SHTN1: variants seen among roughly 807,000 people sequenced by gnomAD.
SHTN1 encodes shootin 1.
A neutral mutation model predicts 83.1 loss-of-function variants in SHTN1; 42 were observed. The observed-to-expected ratio is 0.51, with a 90% CI of 0.39 to 0.65. SHTN1 has a LOEUF of 0.65. Among genes scored for constraint, SHTN1 ranks in the 30% least tolerant of loss-of-function variants. SHTN1 has a pLI of 0.00. For synonymous variants in SHTN1, 224 were observed against 247.7 expected, an observed-to-expected ratio of 0.90 and a Z score of 0.90; for missense variants, 622 against 737.8, an observed-to-expected ratio of 0.84 and a Z score of 1.82.
intron 1 of SHTN1, among the ~76,000 whole-genome samples, chr10:117,001,348 G>C (rs1033626928): frequency 6.6e-6 from 1 of 152,108 alleles, no homozygotes; most frequent in African/African-American, 2.4e-5. Context: ...ATTCAGAAGT[G>C]GGTGTGATTT....
rs570947894 is a variant in SHTN1, at chr10:116,996,104, C to G, written c.58+8918G>C. Reference sequence around the variant, plus strand: ...TTAGGCCAAGTATAATAGACAAAAACTTATTTTACAAATAAACTGGTCTTA... The same window carrying G: ...TTAGGCCAAGTATAATAGACAAAAAGTTATTTTACAAATAAACTGGTCTTA... On this transcript the variant is annotated intron_variant, in intron 1 of 16. Transcript: ENST00000355371. 3.9e-5 allele frequency among the ~76,000 whole-genome samples: 6 copies of G among 152,252 alleles called. No homozygotes were observed. In the South Asian group the frequency reaches 1.2e-3, roughly 32 times the overall value.
At chr10:117,106,760 A>G (rs1048661159) in intron 1 of SHTN1, among the ~76,000 whole-genome samples, 1 of 152,170 alleles carries the variant, frequency 6.6e-6, no homozygotes, top group African/African-American at 2.4e-5. Context: ...CATGTTTCTT[A>G]TGCATTCTTG....
At chr10:116,981,247 A>C (rs1296143008) in intron 1 of SHTN1, among the ~76,000 whole-genome samples, 1 of 152,150 alleles carries the variant, frequency 6.6e-6, no homozygotes, top group African/African-American at 2.4e-5. Context: ...TGAACCCGGG[A>C]AGCAGAGGTT....
intron 1 of SHTN1, among the ~76,000 whole-genome samples, chr10:117,106,975 A>G (rs1853678989): frequency 1.3e-5 from 2 of 152,206 alleles, no homozygotes; most frequent in African/African-American, 4.8e-5. Flanking sequence ...GACACATGTA[A>G]AGTGCTTAAA....
At chr10:116,993,009 T>C (rs1851496451) in intron 1 of SHTN1, among the ~76,000 whole-genome samples, 1 of 46,896 alleles carries the variant, frequency 2.1e-5, no homozygotes, top group African/African-American at 5.0e-5. Flanking sequence ...CTTTTCTTTC[T>C]TTTTTTTCTT....
At chr10:117,117,022 C>T (rs906312776) in intron 1 of SHTN1, among the ~76,000 whole-genome samples, 2 of 152,082 alleles carry the variant, frequency 1.3e-5, no homozygotes, top group Non-Finnish European at 2.9e-5. Context: ...ACCTTCACCA[C>T]TTTTATTCAA....
chr10:116,971,650 C>T (rs958627131), intron 2 of SHTN1, among the ~76,000 whole-genome samples: 15 of 152,120 alleles, frequency 9.9e-5, no homozygotes, highest in Admixed American at 2.0e-4. Context: ...ACCTAGTTTC[C>T]GACTAGGCTC....
At chr10:117,084,254 CCTT>C (rs1853314526) in intron 1 of SHTN1, among the ~76,000 whole-genome samples, 1 of 151,922 alleles carries the variant, frequency 6.6e-6, no homozygotes, top group African/African-American at 2.4e-5. Context: ...TGTTAGTTTT[CCTT>C]CTAACAGACA....
intron 2 of SHTN1, among the ~76,000 whole-genome samples, chr10:116,975,176 T>C (rs956736849): frequency 9.9e-5 from 15 of 152,196 alleles, no homozygotes; most frequent in Non-Finnish European, 1.9e-4. Context: ...GTTTTTACAT[T>C]TGAAGGCAAC....
At chr10:117,046,226 G>A (rs940145834) in intron 2 of SHTN1, among the ~76,000 whole-genome samples, 1 of 151,862 alleles carries the variant, frequency 6.6e-6, no homozygotes, top group African/African-American at 2.4e-5. Context: ...TACTCAAACT[G>A]CAAAAAATAC....
chr10:117,074,023 G>A (rs1853121647), intron 1 of SHTN1, among the ~76,000 whole-genome samples: 1 of 152,168 alleles, frequency 6.6e-6, no homozygotes, highest in Non-Finnish European at 1.5e-5. Flanking sequence ...TAGGTGTAAT[G>A]GAATGGGGAG....
At chr10:116,987,915 A>C (rs961097657) in intron 1 of SHTN1, among the ~76,000 whole-genome samples, 3 of 152,028 alleles carry the variant, frequency 2.0e-5, no homozygotes, top group African/African-American at 7.2e-5. Flanking sequence ...CCGTCTCAAA[A>C]AAACAAACAA....
intron 2 of SHTN1, among the ~76,000 whole-genome samples, chr10:117,045,270 A>C (rs1852644991): frequency 6.6e-6 from 1 of 152,208 alleles, no homozygotes; most frequent in Non-Finnish European, 1.5e-5. Flanking sequence ...ATTCTGGAAA[A>C]TAAGCAAAAG....
chr10:117,004,745 C>G (rs540454573), intron 1 of SHTN1, among the ~76,000 whole-genome samples: 110 of 152,308 alleles, frequency 7.2e-4, no homozygotes, highest in Admixed American at 8.5e-4. Flanking sequence ...CGTCCCTTCC[C>G]CCAGCCCCCG....
At chr10:117,086,334 T>C (rs1465078483) in intron 1 of SHTN1, among the ~76,000 whole-genome samples, 1 of 152,240 alleles carries the variant, frequency 6.6e-6, no homozygotes, top group African/African-American at 2.4e-5. Context: ...TGTGACTTTA[T>C]AAAGTGGGTT....
intron 8 of SHTN1, among the ~76,000 whole-genome samples, chr10:116,943,378 T>C (rs1251785892): frequency 1.3e-5 from 2 of 152,256 alleles, no homozygotes; most frequent in Non-Finnish European, 2.9e-5. Context: ...TGAACATGTC[T>C]TGAAATGAGA....
intron 5 of SHTN1, among the ~76,000 whole-genome samples, chr10:116,953,539 C>A (rs575223057): frequency 6.6e-6 from 1 of 151,990 alleles, no homozygotes; most frequent in Admixed American, 6.5e-5. Flanking sequence ...CTAGGTCCTA[C>A]CCCATCCAAA....
chr10:117,037,190 G>C (rs1283065501), intron 2 of SHTN1, among the ~76,000 whole-genome samples: 2 of 152,120 alleles, frequency 1.3e-5, no homozygotes, highest in Non-Finnish European at 2.9e-5. Context: ...TGTAGTCCCA[G>C]TGCTTGGGAG....
rs1237589306 is a variant in SHTN1 at position 117,065,856 on chromosome 10, AGGAG to A, written c.-188-17350_-188-17347del. On this transcript the variant is annotated intron_variant, in intron 1 of 17. Coordinates refer to the SHTN1 transcript ENST00000392901. The stretch of plus-strand genomic sequence containing the variant: ...AGGAAGGAAGGAAGGAAGGAAGGAA[AGGAG>A]GGAGGGAGGGAGGGAGGGAGGTGGG... Among the ~76,000 whole-genome samples, 262 of 36,990 alleles carry A rather than the reference AGGAG, an allele frequency of 7.1e-3. 12 individuals are homozygous for A. The highest frequency in any genetic ancestry group is 0.032 in the African/African-American group (241 of 7,422). The allele number at this position is 36,990 out of a possible 152,430, so 24.3% of individuals were successfully genotyped here.
Sources: allele counts gnomAD v4.1 joint callset (sites outside exome capture counted in the v4.1 genomes callset), GRCh38; gene constraint gnomAD v4.1.1; transcripts MANE v1.5; gene names NCBI Gene and HGNC (gene_info 2026-07-23, HGNC 2026-07-21).